Variants in PDE4B observed in about 807,000 individuals in gnomAD.
PDE4B encodes the protein phosphodiesterase 4B.
Under a neutral mutation model 82.2 loss-of-function variants are expected in PDE4B, and 20 were observed. That is an observed-to-expected ratio of 0.24 (90% CI 0.17 to 0.35). The LOEUF is 0.35. PDE4B is among the 10% of genes least tolerant of loss of function. The pLI is 1.00. For missense variants in PDE4B, 655 were observed against 907.2 expected (o/e 0.72, Z 3.57); for synonymous variants, 320 against 318.9 (o/e 1.00, Z -0.04).
At chr1:66,309,794 A>C (rs896138846) in intron 7 of PDE4B, among the ~76,000 whole-genome samples, 2 of 152,190 alleles carry the variant, frequency 1.3e-5, no homozygotes, top group African/African-American at 4.8e-5. Context: ...CCCTCATGGC[A>C]CCTTGTGCTC....
chr1:66,170,158 G>T (rs1478044091), intron 3 of PDE4B, among the ~76,000 whole-genome samples: 6 of 152,154 alleles, frequency 3.9e-5, no homozygotes, highest in African/African-American at 9.7e-5. Context: ...TTGCACATTA[G>T]TTCCTCAACA....
intron 3 of PDE4B, among the ~76,000 whole-genome samples, chr1:66,081,119 T>C (rs1398264432): frequency 6.6e-6 from 1 of 152,152 alleles, no homozygotes; most frequent in Non-Finnish European, 1.5e-5. Context: ...TTACAAAGCT[T>C]TCTCCATGGT....
At position 66,106,854 on chromosome 1, in the gene PDE4B, A is replaced by G. The variant is rs376234927; in HGVS notation, c.282-140606A>G. Among the ~76,000 whole-genome samples, 35 of 52,886 alleles carry G rather than the reference A, an allele frequency of 6.6e-4. 12 individuals are homozygous for G. In the East Asian group the frequency reaches 0.014, roughly 22 times the overall value. 34.7% of individuals were successfully genotyped at this position (52,886 alleles called of 152,430 possible). On this transcript the variant is annotated intron_variant, in intron 3 of 16. Transcript: ENST00000341517. ...TTTCTTCTTTATTAGTCTTGCTAGC[A>G]TTCTGTCAATTTTGTTGATCCTTTC...
chr1:65,936,880 G>A (rs1648176551), intron 3 of PDE4B, among the ~76,000 whole-genome samples: 1 of 152,176 alleles, frequency 6.6e-6, no homozygotes, highest in Non-Finnish European at 1.5e-5. Context: ...TCTATGCCAA[G>A]CCAACTGATT....
At chr1:66,256,349 C>T (rs967345421) in intron 4 of PDE4B, among the ~76,000 whole-genome samples, 1 of 152,144 alleles carries the variant, frequency 6.6e-6, no homozygotes, top group African/African-American at 2.4e-5. Flanking sequence ...TATATAATAG[C>T]AATATTAAGA....
At chr1:66,259,464 C>A (rs538239854) in intron 6 of PDE4B, among the ~76,000 whole-genome samples, 1 of 152,172 alleles carries the variant, frequency 6.6e-6, no homozygotes, top group Non-Finnish European at 1.5e-5. Flanking sequence ...ACTGTTCTTT[C>A]TTCCTAAAAT....
At chr1:65,841,381 A>AAAGAAAGGAAGG (rs1553190181) in intron 1 of PDE4B, among the ~76,000 whole-genome samples, 1 of 150,226 alleles carries the variant, frequency 6.7e-6, no homozygotes, top group Non-Finnish European at 1.5e-5. Flanking sequence ...AAAGGAAAGG[A>AAAGAAAGGAAGG]AAGGAAGGAA....
At chr1:66,296,452 A>G (rs535009099) in intron 7 of PDE4B, among the ~76,000 whole-genome samples, 1 of 152,290 alleles carries the variant, frequency 6.6e-6, no homozygotes, top group South Asian at 2.1e-4. Flanking sequence ...ATAGGAGATA[A>G]TGTAGCAAAG....
At chr1:65,924,077 ATTT>A (rs71058436) in intron 3 of PDE4B, among the ~76,000 whole-genome samples, 1 of 40,774 alleles carries the variant, frequency 2.5e-5, no homozygotes, top group Non-Finnish European at 5.2e-5. Context: ...CAGTTTGCTA[ATTT>A]TTTTTTTTTT....
chr1:65,844,067 T>G (rs1407405431), intron 1 of PDE4B, among the ~76,000 whole-genome samples: 1 of 152,184 alleles, frequency 6.6e-6, no homozygotes, highest in Non-Finnish European at 1.5e-5. Context: ...CTAACTGTAT[T>G]TACCTCAAAC....
At chr1:66,313,410 A>C (rs1658803482) in intron 7 of PDE4B, among the ~76,000 whole-genome samples, 1 of 152,200 alleles carries the variant, frequency 6.6e-6, no homozygotes, top group Non-Finnish European at 1.5e-5. Flanking sequence ...TTGCTGGAGA[A>C]ACTGGTTCTT....
At chr1:66,227,733 AG>A (rs1335442823) in intron 3 of PDE4B, among the ~76,000 whole-genome samples, 1 of 152,098 alleles carries the variant, frequency 6.6e-6, no homozygotes, top group Non-Finnish European at 1.5e-5. Flanking sequence ...AGCATTTCTA[AG>A]AAGCTGAAAT....
intron 7 of PDE4B, among the ~76,000 whole-genome samples, chr1:66,274,943 TAA>T (rs557495947): frequency 2.5e-4 from 38 of 152,164 alleles, no homozygotes; most frequent in Non-Finnish European, 4.6e-4. Flanking sequence ...TTTTGAAGTT[TAA>T]GACTTTTTTT....
At chr1:66,271,103 T>C (rs976497660) in intron 7 of PDE4B, among the ~76,000 whole-genome samples, 16 of 152,276 alleles carry the variant, frequency 1.1e-4, no homozygotes, top group Admixed American at 9.8e-4. Context: ...ATTTCATACA[T>C]ATCTAAAATT....
chr1:66,155,150 T>C (rs1216242767), intron 3 of PDE4B, among the ~76,000 whole-genome samples: 4 of 152,030 alleles, frequency 2.6e-5, no homozygotes, highest in Non-Finnish European at 4.4e-5. Context: ...GAAAGTTACA[T>C]ATAGATTGGA....
intron 12 of PDE4B, 69 bp downstream of exon 12, chr1:66,363,640 A>G: frequency 7.7e-7 from 1 of 1,304,770 alleles, no homozygotes; most frequent in South Asian, 1.3e-5. Context: ...AGCTGGATGT[A>G]GTAGCATGTG....
At chr1:65,926,854 C>A (rs1286475275) in intron 3 of PDE4B, among the ~76,000 whole-genome samples, 3 of 151,898 alleles carry the variant, frequency 2.0e-5, no homozygotes, top group African/African-American at 7.3e-5. Context: ...AAAGAAAAAT[C>A]TCTAAAGAAA....
At chr1:66,354,261 T>G in intron 8 of PDE4B, 3 of 272,190 alleles carry the variant, frequency 1.1e-5, no homozygotes, top group Non-Finnish European at 1.7e-5. Context: ...TGGATTTTTG[T>G]GCAGAGGCTG....
At chr1:66,132,901 C>T (rs1645979460) in intron 3 of PDE4B, among the ~76,000 whole-genome samples, 1 of 152,174 alleles carries the variant, frequency 6.6e-6, no homozygotes, top group South Asian at 2.1e-4. Context: ...ACTTGTTTAA[C>T]AGGCTTTTTA....
Sources: allele counts gnomAD v4.1 joint callset (sites outside exome capture counted in the v4.1 genomes callset), GRCh38; gene constraint gnomAD v4.1.1; transcripts MANE v1.5; gene names NCBI Gene and HGNC (gene_info 2026-07-23, HGNC 2026-07-21).